The following ZNF385D variants were observed in gnomAD, a reference collection of about 807,000 sequenced individuals.
The protein encoded by ZNF385D is zinc finger protein 385D.
In ZNF385D, 15 loss-of-function variants were observed where a neutral mutation model predicts 35.8. That is an observed-to-expected ratio of 0.42 (90% CI 0.28 to 0.64). ZNF385D has a LOEUF of 0.64. Ranked by LOEUF, ZNF385D falls within the 30% of genes least tolerant of loss-of-function variation. The pLI is 0.23. For missense variants in ZNF385D, 474 were observed against 494.6 expected (o/e 0.96, Z 0.39); for synonymous variants, 212 against 186.8 (o/e 1.13, Z -1.10).
intron 3 of ZNF385D, among the ~76,000 whole-genome samples, chr3:22,058,293 A>T (rs1249142225): frequency 1.3e-5 from 2 of 152,230 alleles, no homozygotes; most frequent in African/African-American, 4.8e-5. Flanking sequence ...ATAAAAATAT[A>T]CAGAAGGGAA....
chr3:21,882,155 A>G (rs1698311585), intron 3 of ZNF385D, among the ~76,000 whole-genome samples: 1 of 152,064 alleles, frequency 6.6e-6, no homozygotes, highest in African/African-American at 2.4e-5. Flanking sequence ...GCAATTTTGA[A>G]AGAAATTCTA....
At position 22,115,602 on chromosome 3, in the gene ZNF385D, A is replaced by G. The variant is rs150419837; in HGVS notation, c.325+53215T>C. Among the ~76,000 whole-genome samples, 318 of 152,212 alleles carry G rather than the reference A, an allele frequency of 2.1e-3. 1 individual carries two copies. The highest frequency in any genetic ancestry group is 7.3e-3 in the African/African-American group (304 of 41,550). On this transcript the variant is annotated intron_variant, in intron 3 of 5. Coordinates refer to the ZNF385D transcript ENST00000494108. ...GATAATTGATTATATGTTGTCAGTT[A>G]CATCAGAGAAAGTTAAAGACATTTT...
chr3:22,218,220 A>G (rs1698015700), intron 2 of ZNF385D, among the ~76,000 whole-genome samples: 1 of 152,076 alleles, frequency 6.6e-6, no homozygotes, highest in Non-Finnish European at 1.5e-5. Context: ...AGTCTTCTTT[A>G]ATTTTATTTA....
chr3:21,876,759 C>A (rs377610430), intron 3 of ZNF385D, among the ~76,000 whole-genome samples: 11 of 151,816 alleles, frequency 7.2e-5, no homozygotes, highest in African/African-American at 2.7e-4. Context: ...AGTACAAAAT[C>A]TTTGAAAGAA....
At chr3:22,050,862 T>A (rs984750127) in intron 3 of ZNF385D, among the ~76,000 whole-genome samples, 1 of 134,316 alleles carries the variant, frequency 7.4e-6, no homozygotes, top group African/African-American at 2.8e-5. Context: ...CCTTAAAAAT[T>A]CAATGTGTTA....
intron 3 of ZNF385D, among the ~76,000 whole-genome samples, chr3:21,824,802 G>A (rs1694495544): frequency 1.3e-5 from 2 of 152,050 alleles, no homozygotes; most frequent in South Asian, 4.1e-4. Flanking sequence ...GAGCATTTAA[G>A]GTAAACTACA....
intron 3 of ZNF385D, among the ~76,000 whole-genome samples, chr3:21,889,853 C>G (rs1304388613): frequency 1.3e-5 from 2 of 152,164 alleles, no homozygotes; most frequent in Non-Finnish European, 2.9e-5. Context: ...GAAGGTGCCA[C>G]AGAAGAGTCT....
chr3:21,633,660 G>C (rs1351322564), intron 2 of ZNF385D, among the ~76,000 whole-genome samples: 1 of 151,950 alleles, frequency 6.6e-6, no homozygotes, highest in Non-Finnish European at 1.5e-5. Flanking sequence ...AAGTTATTTA[G>C]GCAATCAATA....
chr3:22,119,525 G>T (rs762537710), intron 3 of ZNF385D, among the ~76,000 whole-genome samples: 4 of 152,022 alleles, frequency 2.6e-5, no homozygotes, highest in Middle Eastern at 3.4e-3. Context: ...TTTTCAACTG[G>T]TTTTGATTCC....
At chr3:21,492,353 G>C (rs182634125) in intron 4 of ZNF385D, among the ~76,000 whole-genome samples, 10 of 151,470 alleles carry the variant, frequency 6.6e-5, no homozygotes, top group Non-Finnish European at 1.3e-4. Flanking sequence ...AAATTGAATG[G>C]GTTTGCTTTA....
At chr3:22,131,731 T>A (rs1235354123) in intron 3 of ZNF385D, among the ~76,000 whole-genome samples, 3 of 152,148 alleles carry the variant, frequency 2.0e-5, no homozygotes, top group Admixed American at 1.3e-4. Flanking sequence ...AGAGGGAGTT[T>A]TTGAAAGTTC....
chr3:22,037,383 G>C (rs1414021254), intron 3 of ZNF385D, among the ~76,000 whole-genome samples: 2 of 151,782 alleles, frequency 1.3e-5, no homozygotes, highest in Admixed American at 6.6e-5. Flanking sequence ...GTTGTTTCCT[G>C]ACTTTTTAAT....
intron 3 of ZNF385D, among the ~76,000 whole-genome samples, chr3:21,926,934 G>T (rs1418564099): frequency 6.6e-6 from 1 of 152,124 alleles, no homozygotes; most frequent in Non-Finnish European, 1.5e-5. Context: ...AATCTACAAA[G>T]AACTGTCCTC....
chr3:22,047,159 G>A (rs1161969607), intron 3 of ZNF385D, among the ~76,000 whole-genome samples: 2 of 152,080 alleles, frequency 1.3e-5, no homozygotes, highest in Non-Finnish European at 2.9e-5. Flanking sequence ...ACAACATGAT[G>A]TTCTGAAATG....
chr3:22,081,332 A>T (rs1357042460), intron 3 of ZNF385D, among the ~76,000 whole-genome samples: 1 of 152,150 alleles, frequency 6.6e-6, no homozygotes, highest in African/African-American at 2.4e-5. Context: ...CTTATTCTCC[A>T]TTTAGTAGCT....
At position 21,442,674 on chromosome 3, in the gene ZNF385D, T is replaced by C. The variant is rs547883286; in HGVS notation, c.440-5471A>G. Reference sequence around the variant, plus strand: ...AGTCCCTTTATTTGTGGGCTTTTTTTTTTTTCTTGTAAAATAAAAAAAGTT... The same window carrying C: ...AGTCCCTTTATTTGTGGGCTTTTTTCTTTTTCTTGTAAAATAAAAAAAGTT... On this transcript the variant is annotated intron_variant, in intron 4 of 7. Transcript: ENST00000281523. Among the ~76,000 whole-genome samples, 326 of 151,830 alleles carry C rather than the reference T, an allele frequency of 2.1e-3. 3 individuals are homozygous for C. The highest frequency in any genetic ancestry group is 7.5e-3 in the African/African-American group (309 of 41,360).
intron 2 of ZNF385D, among the ~76,000 whole-genome samples, chr3:22,286,110 G>A (rs1702009260): frequency 6.6e-6 from 1 of 152,020 alleles, no homozygotes; most frequent in East Asian, 1.9e-4. Flanking sequence ...TTAATACAAT[G>A]TACTCATTTT....
chr3:21,844,215 T>C (rs749863658), intron 3 of ZNF385D, among the ~76,000 whole-genome samples: 2 of 151,978 alleles, frequency 1.3e-5, no homozygotes, highest in African/African-American at 2.4e-5. Flanking sequence ...AATTAGGAAA[T>C]TCGTGCCAAG....
chr3:22,000,304 CA>C (rs35298204), intron 3 of ZNF385D, among the ~76,000 whole-genome samples: 60,898 of 147,396 alleles, frequency 0.41, 14,177 homozygotes, highest in South Asian at 0.53. Context: ...GACTCCATCT[CA>C]AAAAAAAAAA....
Sources: allele counts gnomAD v4.1 joint callset (sites outside exome capture counted in the v4.1 genomes callset), GRCh38; gene constraint gnomAD v4.1.1; transcripts MANE v1.5; gene names NCBI Gene and HGNC (gene_info 2026-07-23, HGNC 2026-07-21).